HECTD4: variants seen among roughly 807,000 people sequenced by gnomAD.
HECTD4 encodes HECT domain E3 ubiquitin protein ligase 4, also known as probable E3 ubiquitin-protein ligase HECTD4.
A neutral mutation model predicts 471.5 loss-of-function variants in HECTD4; 114 were observed. The observed-to-expected ratio is 0.24, with a 90% CI of 0.21 to 0.28. HECTD4 has a LOEUF of 0.28. Among genes scored for constraint, HECTD4 ranks in the 10% least tolerant of loss-of-function variants. HECTD4 has a pLI of 1.00. For synonymous variants in HECTD4, 2,012 were observed against 2,256.0 expected, an observed-to-expected ratio of 0.89 and a Z score of 3.07; for missense variants, 3,866 against 5,651.5, an observed-to-expected ratio of 0.68 and a Z score of 10.13.
intron 1 of HECTD4, among the ~76,000 whole-genome samples, chr12:112,333,912 A>G (rs1435981618): frequency 6.6e-6 from 1 of 152,088 alleles, no homozygotes; most frequent in Non-Finnish European, 1.5e-5. Context: ...AGAAAACTTC[A>G]CTTTAAGTAA....
intron 54 of HECTD4, 70 bp from the exon 55 acceptor site, chr12:112,200,868 T>C (rs564443202): frequency 1.7e-4 from 214 of 1,277,308 alleles, no homozygotes; most frequent in East Asian, 1.2e-3. Context: ...TGCGTGCGTG[T>C]GTGTGTGCGT....
At chr12:112,293,545 A>ATCAATCAG (rs2034943984) in intron 7 of HECTD4, among the ~76,000 whole-genome samples, 1 of 151,934 alleles carries the variant, frequency 6.6e-6, no homozygotes, top group East Asian at 1.9e-4. Flanking sequence ...CCATCTCAAA[A>ATCAATCAG]TCAATCAATC....
At chr12:112,267,557 C>T (rs746816846) in intron 13 of HECTD4, among the ~76,000 whole-genome samples, 1 of 152,112 alleles carries the variant, frequency 6.6e-6, no homozygotes, top group Non-Finnish European at 1.5e-5. Context: ...TAAGTGGCAT[C>T]CCTCTCCTCC....
At chr12:112,335,361 G>A (rs757107292) in intron 1 of HECTD4, among the ~76,000 whole-genome samples, 1 of 152,098 alleles carries the variant, frequency 6.6e-6, no homozygotes, top group Non-Finnish European at 1.5e-5. Flanking sequence ...TGACACAATG[G>A]GGTTTGGGGA....
intron 44 of HECTD4, 79 bp downstream of exon 44, chr12:112,226,564 T>G (rs1447563263): frequency 2.2e-6 from 2 of 898,124 alleles, no homozygotes; most frequent in Admixed American, 2.1e-5. Flanking sequence ...ATGAAGACAC[T>G]TAACATACCA....
chr12:112,280,784 C>CTTT (rs569956040), intron 8 of HECTD4, among the ~76,000 whole-genome samples: 42 of 115,248 alleles, frequency 3.6e-4, no homozygotes, highest in South Asian at 5.7e-4. Context: ...GGAATAAAAA[C>CTTT]TTTTTTTTTT....
intron 20 of HECTD4, 88 bp downstream of exon 20, chr12:112,258,408 G>T: frequency 2.2e-6 from 2 of 919,514 alleles, no homozygotes; most frequent in Non-Finnish European, 3.2e-6. Flanking sequence ...GATAATCCTT[G>T]CTAAAAATCA....
chr12:112,371,637 A>G (rs1466387274), intron 1 of HECTD4, among the ~76,000 whole-genome samples: 1 of 152,034 alleles, frequency 6.6e-6, no homozygotes, highest in Non-Finnish European at 1.5e-5. Context: ...CTGTAATCCC[A>G]GCACTTTGGG....
chr12:112,246,288 TATG>T (rs1021949333), intron 29 of HECTD4, among the ~76,000 whole-genome samples: 4 of 152,144 alleles, frequency 2.6e-5, no homozygotes, highest in African/African-American at 7.2e-5. Context: ...TTACAAGATT[TATG>T]ATGTTGACTA....
chr12:112,172,859 C>T lies in HECTD4; in HGVS notation c.11597G>A (p.Cys3866Tyr). 1 of 1,613,808 alleles carries T rather than the reference C, an allele frequency of 6.2e-7. No individual in the cohort carries two copies. The highest frequency in any genetic ancestry group is 8.5e-7 in the Non-Finnish European group (1 of 1,179,796). Residue 3866 changes from cysteine to tyrosine, a missense_variant and splice_region_variant, in exon 67 of 76, where the codon TGC (cysteine) becomes TAC (tyrosine). Transcript: ENST00000682272. ...SCGYDLHFER[C>Y]ACIDVRHAQK... ...TGCATGTCGGACATCGATGCATGCG[C>T]ACCTTGGGGTGGGGACAGGGGGAGA...
Position 112,250,184 on chromosome 12 carries a change from T to A in HECTD4, c.3910A>T (p.Ile1304Phe). Residue 1304 changes from isoleucine to phenylalanine, a missense_variant, in exon 25 of 76, where the codon ATT (isoleucine) becomes TTT (phenylalanine). Coordinates refer to ENST00000682272, the MANE Select transcript of HECTD4 (RefSeq NM_001388303.1). ...PPGIMIKLRE[I>F]SGRARPQFRP... ...AATTGAGGTCTAGCACGCCCAGAAATTTCCCTGAGCTTTATCATGATTCCT... is the reference window on the plus strand; with the variant it reads ...AATTGAGGTCTAGCACGCCCAGAAAATTCCCTGAGCTTTATCATGATTCCT... 6.2e-7 allele frequency: 1 copy of A among 1,613,928 alleles called. No homozygotes were observed. Among genetic ancestry groups the A allele is most frequent in the Non-Finnish European group, 8.5e-7 (1 of 1,179,870 alleles).
intron 1 of HECTD4, among the ~76,000 whole-genome samples, chr12:112,361,113 G>A (rs1438987830): frequency 1.3e-5 from 2 of 151,916 alleles, no homozygotes; most frequent in African/African-American, 4.8e-5. Flanking sequence ...GACAATACAC[G>A]ATTTTAGAAT....
At chr12:112,169,824 G>A (rs1001775333) in intron 69 of HECTD4, 166 bp from the exon 70 acceptor site, 1 of 779,416 alleles carries the variant, frequency 1.3e-6, no homozygotes, top group African/African-American at 1.7e-5. Context: ...AGAGCCTTCT[G>A]TGCCTTAGCA....
chr12:112,166,491 T>G lies in HECTD4; in HGVS notation c.12534+826A>C, dbSNP rs1326473429. The G allele has an allele frequency of 6.6e-6, 1 of 152,218 alleles. No homozygotes were observed. Among genetic ancestry groups the G allele is most frequent in the Admixed American group, 6.5e-5 (1 of 15,282 alleles). The allele number at this position is 152,218 out of a possible 1,614,324, so 9.4% of individuals were successfully genotyped here. A position where few individuals can be genotyped will look rare whatever the true frequency, so the allele number is the denominator to read the frequency against. ...TCTCGTGGCCTTGAGGGGCGCTGGG[T>G]GGGACGTTGCCCTCCACACTCAGCC... On this transcript the variant is annotated intron_variant, in intron 72 of 75. Transcript: ENST00000682272. This position sits in a 1 kb window ranked among gnomAD's most constrained non-coding sequence, Gnocchi z 4.6.
intron 2 of HECTD4, among the ~76,000 whole-genome samples, chr12:112,317,131 A>G (rs2035495355): frequency 6.6e-6 from 1 of 152,262 alleles, no homozygotes; most frequent in Non-Finnish European, 1.5e-5. Context: ...GAATTTGCAC[A>G]GTGATAACAG....
intron 4 of HECTD4, among the ~76,000 whole-genome samples, chr12:112,312,266 A>G (rs964745789): frequency 3.3e-5 from 5 of 152,190 alleles, no homozygotes; most frequent in Non-Finnish European, 7.3e-5. Flanking sequence ...GTAAGATTTA[A>G]TGATAAAATC....
At chr12:112,247,344 C>CT in intron 28 of HECTD4, 118 bp downstream of exon 28, 3 of 695,842 alleles carry the variant, frequency 4.3e-6, no homozygotes, top group Middle Eastern at 3.9e-4. Flanking sequence ...AGTTCCAACT[C>CT]TAAAATATTT....
intron 7 of HECTD4, among the ~76,000 whole-genome samples, chr12:112,296,078 A>C (rs1006887815): frequency 6.6e-6 from 1 of 152,200 alleles, no homozygotes; most frequent in African/African-American, 2.4e-5. Flanking sequence ...GGTGTGTGTG[A>C]GTAACATGGA....
At chr12:112,238,063 C>A (rs2033557307) in intron 34 of HECTD4, among the ~76,000 whole-genome samples, 1 of 151,744 alleles carries the variant, frequency 6.6e-6, no homozygotes, top group African/African-American at 2.4e-5. Context: ...CTATGCCAGA[C>A]CATATTTTTA....
Sources: gnomAD v4.1 joint callset for allele counts (sites outside exome capture counted in the v4.1 genomes callset) on GRCh38, gnomAD v4.1.1 for gene constraint, Gnocchi (gnomAD v3.1) non-coding constraint, MANE v1.5 for transcripts, NCBI Gene and HGNC (gene_info 2026-07-23, HGNC 2026-07-21) for gene names.